CYP51A1: variants seen among roughly 807,000 people sequenced by gnomAD.
CYP51A1 encodes cytochrome P450 family 51 subfamily A member 1, also known as lanosterol 14-alpha demethylase.
CYP51A1 carries 45 observed loss-of-function variants against 53.5 expected under a neutral mutation model. The ratio of observed to expected loss-of-function variants is 0.84; its 90% confidence interval spans 0.66 to 1.08. CYP51A1 has a LOEUF of 1.08. Among genes scored for constraint, CYP51A1 ranks in the 50% least tolerant of loss-of-function variants. CYP51A1 has a pLI of 0.00. For synonymous variants in CYP51A1, 181 were observed against 217.7 expected (o/e 0.83, Z 1.48); for missense variants, 462 against 621.7 (o/e 0.74, Z 2.73).
At position 92,121,239 on chromosome 7, in the gene CYP51A1, G is replaced by A. The variant is rs149945819; in HGVS notation, c.1086+1881C>T. Among the ~76,000 whole-genome samples the A allele has an allele frequency of 2.3e-3, 343 of 150,248 alleles. 5 individuals are homozygous for A. Among genetic ancestry groups the A allele is most frequent in the African/African-American group, 7.5e-3 (305 of 40,722 alleles). ...CGAGGTTGCAGTAAGCCAAGGTCGC[G>A]CCATTGCACTAGAGCCTGGGCATCA... On this transcript the variant is annotated intron_variant, in intron 7 of 9. Coordinates refer to ENST00000003100, the MANE Select transcript of CYP51A1 (RefSeq NM_000786.4).
chr7:92,116,241 C>G (rs1218797670), intron 9 of CYP51A1, among the ~76,000 whole-genome samples: 1 of 152,096 alleles, frequency 6.6e-6, no homozygotes, highest in Non-Finnish European at 1.5e-5. Context: ...CCACTGCACT[C>G]CAGACTGGGT....
rs991411482 is a variant in CYP51A1, at chr7:92,129,058, T to C, written c.292-2A>G. ...GGTAAAACTAAATACAGGTCCATAC[T>C]AAAAAGAGAAAAGTACATATAGTGA... On this transcript the variant is annotated splice_acceptor_variant, in intron 2 of 9. Transcript: ENST00000003100. LOFTEE classifies it high-confidence loss of function. 2 of 1,602,058 alleles carry C rather than the reference T, an allele frequency of 1.2e-6. No individual in the cohort carries two copies. Among genetic ancestry groups the C allele is most frequent in the East Asian group, 2.2e-5 (1 of 44,670 alleles).
intron 6 of CYP51A1, among the ~76,000 whole-genome samples, 177 bp downstream of exon 6, chr7:92,123,557 T>C (rs1819733969): frequency 6.6e-6 from 1 of 152,216 alleles, no homozygotes; most frequent in African/African-American, 2.4e-5. Context: ...GTCACTGGGA[T>C]TACAGTAAGA....
In CYP51A1 at chr7:92,131,767, G is replaced by A; in HGVS notation, c.291+7C>T. 2 of 1,283,054 alleles carry A rather than the reference G, an allele frequency of 1.6e-6. No individual in the cohort carries two copies. Among genetic ancestry groups the A allele is most frequent in the Non-Finnish European group, 2.2e-6 (2 of 917,170 alleles). 79.5% of individuals were successfully genotyped at this position (1,283,054 alleles called of 1,614,324 possible). ...TTTTTTTTCCTCTAATTATTTGGAA[G>A]ACTTACCTTCTCATATGCATTTTCT... is the stretch of plus-strand genomic sequence containing the variant. On this transcript the variant is annotated splice_region_variant and intron_variant, in intron 2 of 9. Transcript: ENST00000003100.
chr7:92,121,950 A>G (rs1408800421), intron 7 of CYP51A1, among the ~76,000 whole-genome samples: 1 of 152,212 alleles, frequency 6.6e-6, no homozygotes, highest in Non-Finnish European at 1.5e-5. Flanking sequence ...TTTTAAATGG[A>G]TGGATTTATG....
intron 1 of CYP51A1, 124 bp from the exon 2 acceptor site, chr7:92,131,996 A>G (rs1819931741): frequency 1.5e-6 from 1 of 657,114 alleles, no homozygotes; most frequent in Non-Finnish European, 2.8e-6. Context: ...GTTACCAAAA[A>G]AAAAGGAAGC....
intron 9 of CYP51A1, among the ~76,000 whole-genome samples, chr7:92,116,301 G>T (rs1819579002): frequency 6.6e-6 from 1 of 152,038 alleles, no homozygotes; most frequent in African/African-American, 2.4e-5. Context: ...TTTATATATT[G>T]TGTTATACAC....
rs766932673 is a variant in CYP51A1, at chr7:92,113,621, G to A, written c.*44C>T. 1 of 1,562,850 alleles carries A rather than the reference G, an allele frequency of 6.4e-7. No individual in the cohort carries two copies. The highest frequency in any genetic ancestry group is 1.4e-5 in the African/African-American group (1 of 73,376). On this transcript the variant is annotated 3_prime_UTR_variant, in exon 10 of 10. Transcript: ENST00000003100. ...CTTCATTCTCTTCGAATGCCTTTGT[G>A]GCTTACAGTGATAATCACATATATT...
rs556387161 is a variant in CYP51A1 at position 92,113,422 on chromosome 7, G to C, written c.*243C>G. The C allele has an allele frequency of 2.4e-6, 1 of 410,550 alleles. No individual in the cohort carries two copies. The allele number at this position is 410,550 out of a possible 1,614,324, so 25.4% of individuals were successfully genotyped here. A position where few individuals can be genotyped will look rare whatever the true frequency, so the allele number is the denominator to read the frequency against. On this transcript the variant is annotated 3_prime_UTR_variant, in exon 10 of 10. Coordinates refer to ENST00000003100, the MANE Select transcript of CYP51A1 (RefSeq NM_000786.4). Reference sequence around the variant, plus strand: ...TTACCTAGATCCCCCCTCAACAATTGTTTCACCAAGGAACTTCCTGAAAGC... The same window carrying C: ...TTACCTAGATCCCCCCTCAACAATTCTTTCACCAAGGAACTTCCTGAAAGC...
intron 6 of CYP51A1, 144 bp from the exon 7 acceptor site, chr7:92,123,459 T>TC (rs1819732152): frequency 2.5e-6 from 2 of 814,128 alleles, no homozygotes; most frequent in East Asian, 5.2e-5. Flanking sequence ...GAGTTTTTTT[T>TC]CTCTTAGGGA....
rs548811414 is a variant in CYP51A1 at position 92,116,923 on chromosome 7, T to C, written c.1351+121A>G. 11 of 916,314 alleles carry C rather than the reference T, an allele frequency of 1.2e-5. No homozygotes were observed. In the East Asian group the frequency reaches 2.7e-4, roughly 23 times the overall value. 56.8% of individuals were successfully genotyped at this position (916,314 alleles called of 1,614,324 possible). On this transcript the variant is annotated intron_variant, in intron 9 of 9. Coordinates refer to ENST00000003100, the MANE Select transcript of CYP51A1 (RefSeq NM_000786.4). ...ATAAAGATTCTTCTCCTAAAAAAGT[T>C]TGCAAAAATGTCCCTATGAGGAAAG...
intron 3 of CYP51A1, 25 bp from the exon 4 acceptor site, chr7:92,127,656 T>C: frequency 6.2e-7 from 1 of 1,612,248 alleles, no homozygotes; most frequent in Non-Finnish European, 8.5e-7. Context: ...AAAACGGGGA[T>C]ACGGCATTAA....
At chr7:92,127,997 C>T (rs1484277410) in intron 3 of CYP51A1, among the ~76,000 whole-genome samples, 3 of 152,156 alleles carry the variant, frequency 2.0e-5, no homozygotes, top group African/African-American at 4.8e-5. Flanking sequence ...AGCATTGGGG[C>T]CAATTGTCTG....
intron 3 of CYP51A1, 117 bp downstream of exon 3, chr7:92,128,763 A>T: frequency 2.1e-6 from 2 of 939,988 alleles, no homozygotes; most frequent in Non-Finnish European, 3.2e-6. Context: ...TGCTGGGATT[A>T]CAGGAATGAG....
chr7:92,129,660 G>A (rs1250385252), intron 2 of CYP51A1, among the ~76,000 whole-genome samples: 1 of 151,926 alleles, frequency 6.6e-6, no homozygotes. Flanking sequence ...GACTCTGGGG[G>A]TATAATCATG....
chr7:92,131,416 C>T (rs141749992), intron 2 of CYP51A1, among the ~76,000 whole-genome samples: 9 of 152,190 alleles, frequency 5.9e-5, no homozygotes, highest in African/African-American at 2.2e-4. Context: ...ATGTATAGAG[C>T]AGGTTAGAAA....
At chr7:92,134,782 G>C, upstream of CYP51A1, 1 of 178,260 alleles carries the variant, frequency 5.6e-6, no homozygotes, top group Non-Finnish European at 1.2e-5. Flanking sequence ...GGGCGAGCTC[G>C]AGCGGCGACG....
intron 7 of CYP51A1, among the ~76,000 whole-genome samples, chr7:92,119,081 TG>T (rs1244615156): frequency 6.6e-6 from 1 of 152,196 alleles, no homozygotes; most frequent in Non-Finnish European, 1.5e-5. Flanking sequence ...CTATAGCAGC[TG>T]TGAAAGCCAG....
rs1157218799 is a variant in CYP51A1, at chr7:92,134,435, G to T, written c.-71C>A. 6.9e-7 allele frequency: 1 copy of T among 1,447,352 alleles called. No homozygotes were observed. Among genetic ancestry groups the T allele is most frequent in the East Asian group, 2.5e-5 (1 of 39,472 alleles). The allele number at this position is 1,447,352 out of a possible 1,614,324, so 89.7% of individuals were successfully genotyped here. A position where few individuals can be genotyped will look rare whatever the true frequency, so the allele number is the denominator to read the frequency against. On this transcript the variant is annotated 5_prime_UTR_variant, in exon 1 of 10. Transcript: ENST00000003100. ...CCAATCGACGGAACGAGAGAAGCTG[G>T]CAGATGGTCGTCCACAGGGGGCCTT...
Sources: allele counts gnomAD v4.1 joint callset (sites outside exome capture counted in the v4.1 genomes callset), GRCh38; gene constraint gnomAD v4.1.1; transcripts MANE v1.5; gene names NCBI Gene and HGNC (gene_info 2026-07-23, HGNC 2026-07-21).